Variants in GXYLT2 observed in about 807,000 individuals in gnomAD.
GXYLT2 encodes glucoside xylosyltransferase 2.
Under a neutral mutation model 45.8 loss-of-function variants are expected in GXYLT2, and 53 were observed. That is an observed-to-expected ratio of 1.16 (90% confidence interval 0.93 to 1.46). The LOEUF is 1.46. Among genes scored for constraint, GXYLT2 ranks in the 40% most tolerant of loss-of-function variants. The probability of loss-of-function intolerance (pLI) is 0.00; values close to 1 mark genes in which losing one functional copy is unlikely to be tolerated. For missense variants in GXYLT2, 551 were observed against 544.4 expected (o/e 1.01, Z -0.12); for synonymous variants, 219 against 214.2 (o/e 1.02, Z -0.19).
chr3:72,955,417 A>G lies in GXYLT2; in HGVS notation c.852+68A>G. The G allele has an allele frequency of 2.0e-6, 3 of 1,525,240 alleles. No individual in the cohort carries two copies. The South Asian group carries it at 3.5e-5, about 18-fold the overall frequency. 94.5% of individuals were successfully genotyped at this position (1,525,240 alleles called of 1,614,324 possible). A position where few individuals can be genotyped will look rare whatever the true frequency, so the allele number is the denominator to read the frequency against. On this transcript the variant is annotated intron_variant, in intron 4 of 6. Coordinates refer to ENST00000389617, the MANE Select transcript of GXYLT2 (RefSeq NM_001080393.2). ...TGGTCTTGTCAACAGTGGCACTACC[A>G]GAGTGTCAATATGCTGATTTTGGAA...
chr3:72,896,463 G>A (rs566401487), intron 1 of GXYLT2, among the ~76,000 whole-genome samples: 3 of 152,278 alleles, frequency 2.0e-5, no homozygotes, highest in African/African-American at 4.8e-5. Flanking sequence ...GCCTTTTCTT[G>A]TGGGGGTAGG....
Position 72,945,282 on chromosome 3 carries a change from C to A in GXYLT2, c.601-9816C>A, listed in dbSNP as rs576425136. On this transcript the variant is annotated intron_variant, in intron 3 of 6. Transcript: ENST00000389617. ...CAGCCTGGGCGACTGAGCAAGACTC[C>A]ATCTCAAAAAATAAAAAAATAAAAA... Among the ~76,000 whole-genome samples the A allele has an allele frequency of 2.3e-5, 3 of 132,146 alleles. No individual in the cohort carries two copies. The East Asian group carries it at 6.6e-4, about 29-fold the overall frequency. 86.7% of individuals were successfully genotyped at this position (132,146 alleles called of 152,430 possible). A position where few individuals can be genotyped will look rare whatever the true frequency, so the allele number is the denominator to read the frequency against.
At chr3:72,889,961 C>T (rs1386474807) in intron 1 of GXYLT2, among the ~76,000 whole-genome samples, 4 of 148,894 alleles carry the variant, frequency 2.7e-5, no homozygotes, top group African/African-American at 7.5e-5. Context: ...GCTGGAGTGC[C>T]GTGCTGCGAT....
In GXYLT2 at chr3:72,957,227, A is replaced by C. The variant is rs761892777; in HGVS notation, c.853-2A>C. ...CTGTTCTGATGGTTTTCTTTTTTCC[A>C]GAACAGCATGATTCCAACAGGCCTG... On this transcript the variant is annotated splice_acceptor_variant, in intron 4 of 6. Coordinates refer to ENST00000389617, the MANE Select transcript of GXYLT2 (RefSeq NM_001080393.2). LOFTEE classifies it high-confidence loss of function. 3 of 1,605,204 alleles carry C rather than the reference A, an allele frequency of 1.9e-6. No homozygotes were observed. Among genetic ancestry groups the C allele is most frequent in the Non-Finnish European group, 2.5e-6 (3 of 1,177,434 alleles).
At chr3:72,923,050 T>G (rs900694730) in intron 3 of GXYLT2, among the ~76,000 whole-genome samples, 40 of 151,064 alleles carry the variant, frequency 2.6e-4, no homozygotes, top group Non-Finnish European at 4.6e-4. Flanking sequence ...AGGTTAGGAG[T>G]TCAAGACCAG....
At chr3:72,948,590 G>A (rs1322410998) in intron 3 of GXYLT2, among the ~76,000 whole-genome samples, 2 of 152,194 alleles carry the variant, frequency 1.3e-5, no homozygotes, top group Non-Finnish European at 2.9e-5. Context: ...TGTAATCCCA[G>A]CACTTTGGGA....
chr3:72,911,297 A>G (rs1248345291), intron 2 of GXYLT2, among the ~76,000 whole-genome samples: 1 of 152,154 alleles, frequency 6.6e-6, no homozygotes, highest in East Asian at 1.9e-4. Context: ...CTCAAAAAAA[A>G]TAACGAAAGG....
intron 2 of GXYLT2, among the ~76,000 whole-genome samples, chr3:72,921,131 A>T (rs1034890141): frequency 6.6e-6 from 1 of 151,682 alleles, no homozygotes; most frequent in Non-Finnish European, 1.5e-5. Flanking sequence ...TCATGCATAT[A>T]TTTTTTCCTA....
chr3:72,947,760 C>T (rs757527403), intron 3 of GXYLT2, among the ~76,000 whole-genome samples: 1 of 152,086 alleles, frequency 6.6e-6, no homozygotes, highest in African/African-American at 2.4e-5. Flanking sequence ...AAGGTCACAC[C>T]ATTGCACTTC....
chr3:72,938,888 A>G (rs1411621839), intron 3 of GXYLT2, among the ~76,000 whole-genome samples: 1 of 152,254 alleles, frequency 6.6e-6, no homozygotes, highest in Non-Finnish European at 1.5e-5. Context: ...TGCTTTGCTC[A>G]ACTCAGAAGC....
At chr3:72,888,596 G>C (rs1709114853) in intron 1 of GXYLT2, 88 bp downstream of exon 1, 1 of 925,638 alleles carries the variant, frequency 1.1e-6, no homozygotes, top group East Asian at 7.5e-5. Flanking sequence ...CTTTGCGCTG[G>C]AGAGACAGAT....
At chr3:72,896,140 G>A (rs1005065086) in intron 1 of GXYLT2, among the ~76,000 whole-genome samples, 8 of 152,174 alleles carry the variant, frequency 5.3e-5, no homozygotes, top group Non-Finnish European at 7.3e-5. Flanking sequence ...AAGTACCCGC[G>A]TGACTTTGAA....
chr3:72,912,684 A>T (rs946111345), intron 2 of GXYLT2, among the ~76,000 whole-genome samples: 7 of 152,190 alleles, frequency 4.6e-5, no homozygotes, highest in African/African-American at 1.4e-4. Flanking sequence ...TCCAGCCAAC[A>T]GCCAGCCCCA....
chr3:72,896,723 C>T (rs1055538412), intron 1 of GXYLT2, among the ~76,000 whole-genome samples: 2 of 151,970 alleles, frequency 1.3e-5, no homozygotes, highest in Non-Finnish European at 2.9e-5. Flanking sequence ...GTGGCAGGTG[C>T]CTGTAATCCC....
At chr3:72,936,492 T>C (rs1405916351) in intron 3 of GXYLT2, among the ~76,000 whole-genome samples, 1 of 151,414 alleles carries the variant, frequency 6.6e-6, no homozygotes, top group Non-Finnish European at 1.5e-5. Flanking sequence ...ATACAAAAAT[T>C]AGCCAAGTGT....
At chr3:72,957,768 CAAA>C (rs1710677923) in intron 5 of GXYLT2, among the ~76,000 whole-genome samples, 1 of 151,946 alleles carries the variant, frequency 6.6e-6, no homozygotes, top group Non-Finnish European at 1.5e-5. Flanking sequence ...TATTCAGGGT[CAAA>C]ACATCCTAGA....
chr3:72,954,965 T>C (rs1301931325), intron 3 of GXYLT2, 133 bp from the exon 4 acceptor site: 1 of 845,498 alleles, frequency 1.2e-6, no homozygotes, highest in Non-Finnish European at 1.8e-6. Flanking sequence ...GTGGTACCTT[T>C]CCAGAATTTA....
At position 72,902,131 on chromosome 3, in the gene GXYLT2, TGC is replaced by T. The variant is rs201839579; in HGVS notation, c.276-6235_276-6234del. On this transcript the variant is annotated intron_variant, in intron 1 of 6. Transcript: ENST00000389617. ...ACTTTTTGGCTATTGGGAATAATGCTGCTATTTGAACATTTGTGTACAACCTT... is the reference window on the plus strand; with the variant it reads ...ACTTTTTGGCTATTGGGAATAATGCTTATTTGAACATTTGTGTACAACCTT... Among the ~76,000 whole-genome samples, 1,320 of 152,340 alleles carry T rather than the reference TGC, an allele frequency of 8.7e-3. 24 individuals carry two copies. Among genetic ancestry groups the T allele is most frequent in the African/African-American group, 0.031 (1,274 of 41,580 alleles).
At chr3:72,955,506 A>G (rs995544265) in intron 4 of GXYLT2, among the ~76,000 whole-genome samples, 157 bp downstream of exon 4, 1 of 152,192 alleles carries the variant, frequency 6.6e-6, no homozygotes, top group African/African-American at 2.4e-5. Context: ...ATTATAGAAT[A>G]TTTGTTTATT....
Sources: allele counts gnomAD v4.1 joint callset (sites outside exome capture counted in the v4.1 genomes callset), GRCh38; gene constraint gnomAD v4.1.1; transcripts MANE v1.5; gene names NCBI Gene and HGNC (gene_info 2026-07-23, HGNC 2026-07-21).